The following TIGAR variants were observed in gnomAD, a reference collection of about 807,000 sequenced individuals.
The protein encoded by TIGAR is TP53 induced glycolysis regulatory phosphatase.
A neutral mutation model predicts 17.9 loss-of-function variants in TIGAR; 7 were observed. The observed-to-expected ratio is 0.39, with a 90% CI of 0.22 to 0.73. The LOEUF is 0.73. TIGAR is among the 30% of genes least tolerant of loss of function. The pLI, the probability that TIGAR is intolerant of heterozygous loss-of-function variation, is 0.42. For synonymous variants in TIGAR, 94 were observed against 108.6 expected (o/e 0.87, Z 0.84); for missense variants, 258 against 327.4 (o/e 0.79, Z 1.64).
At position 4,357,520 on chromosome 12, in the gene TIGAR, TG is replaced by T. The variant is rs1864918051; in HGVS notation, c.*4832del. On this transcript the variant is annotated 3_prime_UTR_variant, in exon 6 of 6. Coordinates refer to ENST00000179259, the MANE Select transcript of TIGAR (RefSeq NM_020375.3). ...ATGTTGCTTTTTACCCCTCTTTCTT[TG>T]GGCCCCATCAATTTGGAAGTACAGC... is the stretch of plus-strand genomic sequence containing the variant. 6.6e-6 allele frequency among the ~76,000 whole-genome samples: 1 copy of T among 152,184 alleles called. No homozygotes were observed. Among genetic ancestry groups the T allele is most frequent in the South Asian group, 2.1e-4 (1 of 4,834 alleles).
chr12:4,329,612 C>G (rs540313576), intron 1 of TIGAR, among the ~76,000 whole-genome samples: 2 of 152,100 alleles, frequency 1.3e-5, no homozygotes, highest in Non-Finnish European at 2.9e-5. Context: ...GCTGGAATTA[C>G]GGGCATGAGC....
chr12:4,351,463 G>A (rs765043936), intron 5 of TIGAR, 86 bp downstream of exon 5: 3 of 1,030,770 alleles, frequency 2.9e-6, no homozygotes, highest in Non-Finnish European at 4.4e-6. Context: ...TTTGAAAGTT[G>A]CTTGGTTCAT....
At chr12:4,339,375 A>C (rs563952027) in intron 3 of TIGAR, among the ~76,000 whole-genome samples, 3 of 152,210 alleles carry the variant, frequency 2.0e-5, no homozygotes, top group East Asian at 1.9e-4. Context: ...CCTAAACAGA[A>C]TAATAACAAG....
At chr12:4,338,626 C>T (rs1864685401) in intron 3 of TIGAR, among the ~76,000 whole-genome samples, 1 of 152,008 alleles carries the variant, frequency 6.6e-6, no homozygotes, top group Non-Finnish European at 1.5e-5. Flanking sequence ...CTGTGGGATA[C>T]AGCAAAAATA....
chr12:4,321,219 C>T lies in TIGAR; in HGVS notation c.-53C>T, dbSNP rs1864471468. 1.4e-5 allele frequency: 22 copies of T among 1,597,374 alleles called. No individual in the cohort carries two copies. Among genetic ancestry groups the T allele is most frequent in the Non-Finnish European group, 1.5e-5 (18 of 1,178,412 alleles). ...GAAGTGGTGTGGGGGAGGTAGCCCG[C>T]AGTGCAGGGGCAGCGCGGCGCGGGG... On this transcript the variant is annotated 5_prime_UTR_variant, in exon 1 of 6. Coordinates refer to ENST00000179259, the MANE Select transcript of TIGAR (RefSeq NM_020375.3). The surrounding 1 kb of genome is among the most constrained non-coding windows in gnomAD (Gnocchi z 5.2).
intron 1 of TIGAR, 108 bp from the exon 2 acceptor site, chr12:4,331,172 T>G: frequency 1.0e-6 from 1 of 956,104 alleles, no homozygotes; most frequent in South Asian, 1.3e-5. Context: ...TGTTACAAGT[T>G]TCACATGATA....
chr12:4,345,921 C>A (rs1213448857), intron 3 of TIGAR, among the ~76,000 whole-genome samples: 1 of 152,142 alleles, frequency 6.6e-6, no homozygotes, highest in Non-Finnish European at 1.5e-5. Flanking sequence ...AAGAAAAAAA[C>A]AACCCCATCA....
chr12:4,352,995 C>A lies in TIGAR; in HGVS notation c.*304C>A. On this transcript the variant is annotated 3_prime_UTR_variant, in exon 6 of 6. Coordinates refer to ENST00000179259, the MANE Select transcript of TIGAR (RefSeq NM_020375.3). ...TGGGGGATTAGTAACCTTGTTACAA[C>A]GGTTTCTTTTTCATTTTAGCCTATT... is the stretch of plus-strand genomic sequence containing the variant. 1 of 308,140 alleles carries A rather than the reference C, an allele frequency of 3.2e-6. No individual in the cohort carries two copies. 19.1% of individuals were successfully genotyped at this position (308,140 alleles called of 1,614,324 possible).
chr12:4,351,586 G>C (rs1211381719), intron 5 of TIGAR, among the ~76,000 whole-genome samples: 1 of 152,196 alleles, frequency 6.6e-6, no homozygotes, highest in Admixed American at 6.5e-5. Context: ...TTAAGGAAAG[G>C]TGTTATTAGA....
chr12:4,342,128 G>A (rs1477185491), intron 3 of TIGAR, among the ~76,000 whole-genome samples: 1 of 152,192 alleles, frequency 6.6e-6, no homozygotes, highest in Non-Finnish European at 1.5e-5. Flanking sequence ...CTGGAAGAAA[G>A]GGTATCAGTG....
intron 3 of TIGAR, 77 bp downstream of exon 3, chr12:4,337,237 G>A (rs1326379929): frequency 9.3e-7 from 1 of 1,075,618 alleles, no homozygotes; most frequent in Non-Finnish European, 1.3e-6. Flanking sequence ...TGCAGTCTCT[G>A]TTCACTGCAA....
intron 1 of TIGAR, chr12:4,324,927 GT>G (rs949349250): frequency 8.1e-6 from 2 of 247,306 alleles, no homozygotes; most frequent in Non-Finnish European, 7.2e-6. Flanking sequence ...AATTAGTAAA[GT>G]TTTTTTGTTT....
chr12:4,356,146 G>A lies in TIGAR; in HGVS notation c.*3455G>A. ...GTAGGGGGTGCTATAGGAGCACAAG[G>A]TTGGAGGCAGGGAAGATGGCAGCAC... is the stretch of plus-strand genomic sequence containing the variant. On this transcript the variant is annotated 3_prime_UTR_variant, in exon 6 of 6. Transcript: ENST00000179259. 6.6e-6 allele frequency among the ~76,000 whole-genome samples: 1 copy of A among 152,170 alleles called. No homozygotes were observed. Among genetic ancestry groups the A allele is most frequent in the East Asian group, 1.9e-4 (1 of 5,180 alleles).
intron 3 of TIGAR, among the ~76,000 whole-genome samples, chr12:4,345,626 T>C (rs1324311435): frequency 6.6e-6 from 1 of 152,184 alleles, no homozygotes; most frequent in Non-Finnish European, 1.5e-5. Context: ...GAGTAAAGAC[T>C]TACATGTTAG....
In TIGAR at chr12:4,356,400, G is replaced by GAATTTTTTAAGAGACTT. The variant is rs537244203; in HGVS notation, c.*3724_*3740dup. ...GGTTTTTGATTGTTTTTTAACAAAT[G>GAATTTTTTAAGAGACTT]AATTTTTTAAGAGACTTAATTTTTT... On this transcript the variant is annotated 3_prime_UTR_variant, in exon 6 of 6. Transcript: ENST00000179259. 1.6e-3 allele frequency among the ~76,000 whole-genome samples: 242 copies of GAATTTTTTAAGAGACTT among 152,228 alleles called. No homozygotes were observed. Among genetic ancestry groups the GAATTTTTTAAGAGACTT allele is most frequent in the African/African-American group, 5.6e-3 (234 of 41,522 alleles).
At chr12:4,334,944 T>C (rs1269706095) in intron 2 of TIGAR, among the ~76,000 whole-genome samples, 1 of 152,230 alleles carries the variant, frequency 6.6e-6, no homozygotes, top group East Asian at 1.9e-4. Flanking sequence ...GGAGGAATTT[T>C]TTTTTTAATG....
chr12:4,359,605 T>C lies in TIGAR; in HGVS notation c.*6914T>C, dbSNP rs1864953483. ...CACAACAGTTTGTTTATTCTTCCAT[T>C]GACGGAACACAAGGACCATTTCTAG... On this transcript the variant is annotated 3_prime_UTR_variant, in exon 6 of 6. Coordinates refer to ENST00000179259, the MANE Select transcript of TIGAR (RefSeq NM_020375.3). Among the ~76,000 whole-genome samples, 1 of 152,180 alleles carries C rather than the reference T, an allele frequency of 6.6e-6. No individual in the cohort carries two copies. Among genetic ancestry groups the C allele is most frequent in the African/African-American group, 2.4e-5 (1 of 41,438 alleles).
At chr12:4,325,265 A>G (rs905802776) in intron 1 of TIGAR, among the ~76,000 whole-genome samples, 2 of 112,672 alleles carry the variant, frequency 1.8e-5, no homozygotes, top group African/African-American at 6.2e-5. Context: ...TACTGATAGC[A>G]AAACTGATTT....
At chr12:4,331,766 T>G (rs1039479451) in intron 2 of TIGAR, among the ~76,000 whole-genome samples, 3 of 152,250 alleles carry the variant, frequency 2.0e-5, no homozygotes, top group Non-Finnish European at 2.9e-5. Flanking sequence ...GTTACTTTAT[T>G]CTGAAGAGAT....
Sources: allele counts gnomAD v4.1 joint callset (sites outside exome capture counted in the v4.1 genomes callset), GRCh38; gene constraint gnomAD v4.1.1; non-coding constraint Gnocchi (gnomAD v3.1); transcripts MANE v1.5; gene names NCBI Gene and HGNC (gene_info 2026-07-23, HGNC 2026-07-21).